C11orf65: variants seen among roughly 807,000 people sequenced by gnomAD.
C11orf65 encodes the protein chromosome 11 open reading frame 65.
A neutral mutation model predicts 35.3 loss-of-function variants in C11orf65; 38 were observed. The ratio of observed to expected loss-of-function variants is 1.08; its 90% CI spans 0.83 to 1.41. The LOEUF is 1.41. Among genes scored for constraint, C11orf65 ranks in the 40% most tolerant of loss-of-function variants. The probability of loss-of-function intolerance (pLI) is 0.00; values close to 1 mark genes in which losing one functional copy is unlikely to be tolerated. For synonymous variants in C11orf65, 105 were observed against 114.4 expected (o/e 0.92, Z 0.53); for missense variants, 370 against 367.1 (o/e 1.01, Z -0.06).
intron 2 of C11orf65, chr11:108,345,649 C>T: frequency 1.9e-6 from 2 of 1,029,334 alleles, no homozygotes; most frequent in South Asian, 1.8e-5. Flanking sequence ...ATCTTTATTG[C>T]CCCTATATCT....
chr11:108,380,999 C>T (rs780608876), downstream of C11orf65, among the ~76,000 whole-genome samples: 1 of 152,176 alleles, frequency 6.6e-6, no homozygotes, highest in African/African-American at 2.4e-5. Context: ...CTAGTCCTAT[C>T]ATATGCCACA....
At chr11:108,407,213 T>C (rs2092558063) in intron 3 of C11orf65, 64 bp from the exon 4 acceptor site, 10 of 1,147,572 alleles carry the variant, frequency 8.7e-6, no homozygotes, top group Non-Finnish European at 1.1e-5. Flanking sequence ...CAATTCACTA[T>C]TTCTCACTCT....
rs2136244744 is a variant in C11orf65 at position 108,321,446 on chromosome 11, T to A, written c.641-12375A>T. The A allele has an allele frequency of 6.2e-7, 1 of 1,613,834 alleles. No homozygotes were observed. Among genetic ancestry groups the A allele is most frequent in the Non-Finnish European group, 8.5e-7 (1 of 1,179,840 alleles). On this transcript the variant is annotated intron_variant, in intron 6 of 6. Coordinates refer to the C11orf65 transcript ENST00000525729. ...GTATGTAATTCGTATGACTTTGTTA[T>A]CCTAAAGTGCAGCTTTTCTGTTACC...
chr11:108,452,085 A>G (rs1459933609), intron 2 of C11orf65, among the ~76,000 whole-genome samples: 1 of 151,880 alleles, frequency 6.6e-6, no homozygotes, highest in Non-Finnish European at 1.5e-5. Context: ...CATTCAGGAC[A>G]TAGGCATGGG....
chr11:108,346,290 C>T (rs1215869277), intron 2 of C11orf65, among the ~76,000 whole-genome samples: 7 of 151,926 alleles, frequency 4.6e-5, no homozygotes, highest in Admixed American at 4.6e-4. Context: ...TTGCATATAA[C>T]CTCTAAATAT....
rs1000032847 is a variant in C11orf65, at chr11:108,316,037, T to C, written c.641-6966A>G. 1.2e-6 allele frequency: 2 copies of C among 1,614,048 alleles called. No homozygotes were observed. Among genetic ancestry groups the C allele is most frequent in the African/African-American group, 2.7e-5 (2 of 74,936 alleles). On this transcript the variant is annotated intron_variant, in intron 6 of 6. Transcript: ENST00000525729. ...CTACGAACATATGAACACGAAGCAA[T>C]GTGGGGCAAAGCCCTAGTAACATAT...
chr11:108,308,817 T>C (rs2083893523), exon 7 of C11orf65: 1 of 549,008 alleles, frequency 1.8e-6, no homozygotes. Flanking sequence ...AGAAGTTTTA[T>C]GCTTTTCAGT....
intron 2 of C11orf65, chr11:108,346,044 T>C: frequency 1.1e-6 from 1 of 917,894 alleles, no homozygotes; most frequent in Admixed American, 2.1e-5. Flanking sequence ...CCAACCCATC[T>C]TCATTATTAA....
chr11:108,311,654 T>TGC (rs1051975135), intron 6 of C11orf65, among the ~76,000 whole-genome samples: 2 of 151,526 alleles, frequency 1.3e-5, no homozygotes, highest in Non-Finnish European at 2.9e-5. Context: ...GCCATGATTG[T>TGC]GCCACTGCAC....
intron 2 of C11orf65, chr11:108,335,358 G>T (rs1396932048): frequency 8.3e-6 from 10 of 1,211,376 alleles, no homozygotes; most frequent in South Asian, 2.8e-5. Context: ...GTACAGACAT[G>T]TACAGTGAGG....
chr11:108,429,713 A>G (rs576221217), intron 3 of C11orf65, among the ~76,000 whole-genome samples: 25 of 152,380 alleles, frequency 1.6e-4, no homozygotes, highest in African/African-American at 5.3e-4. Context: ...AGCATTATTC[A>G]TAATAGCTAA....
At chr11:108,380,303 T>A (rs1417329877), downstream of C11orf65, among the ~76,000 whole-genome samples, 1 of 152,202 alleles carries the variant, frequency 6.6e-6, no homozygotes, top group Non-Finnish European at 1.5e-5. Flanking sequence ...TCACTTCTTA[T>A]TGAGAGAGAA....
chr11:108,349,392 C>T (rs368592120), intron 2 of C11orf65, among the ~76,000 whole-genome samples: 11 of 151,568 alleles, frequency 7.3e-5, no homozygotes, highest in South Asian at 2.1e-4. Context: ...CTGCCAGGCG[C>T]GGTGGATCAC....
intron 2 of C11orf65, chr11:108,346,499 G>GT (rs879675361): frequency 2.0e-3 from 267 of 135,108 alleles, no homozygotes; most frequent in African/African-American, 3.3e-3. Context: ...TCTATTTGTT[G>GT]TTTTTTTTTT....
chr11:108,463,020 G>A (rs2093490844), intron 1 of C11orf65, among the ~76,000 whole-genome samples: 1 of 152,110 alleles, frequency 6.6e-6, no homozygotes, highest in African/African-American at 2.4e-5. Context: ...TAGCTACTTG[G>A]GAGGCTGAAA....
chr11:108,341,389 A>G (rs2087558934), intron 2 of C11orf65, among the ~76,000 whole-genome samples: 2 of 152,040 alleles, frequency 1.3e-5, no homozygotes, highest in South Asian at 2.1e-4. Context: ...TATACTTATT[A>G]TCTAATATTA....
intron 2 of C11orf65, among the ~76,000 whole-genome samples, chr11:108,357,154 TC>T (rs2090064966): frequency 6.6e-6 from 1 of 152,146 alleles, no homozygotes; most frequent in African/African-American, 2.4e-5. Flanking sequence ...GTCAGGGAGT[TC>T]CCTTTCCTAG....
chr11:108,327,601 C>T (rs777878191), downstream of C11orf65: 16 of 1,475,086 alleles, frequency 1.1e-5, no homozygotes, highest in Non-Finnish European at 1.5e-5. Flanking sequence ...TGGGTACAGT[C>T]ATGGTAATGC....
chr11:108,354,680 T>G, intron 2 of C11orf65: 1 of 836,102 alleles, frequency 1.2e-6, no homozygotes, highest in Non-Finnish European at 2.1e-6. Context: ...AGTATTATGC[T>G]ATTTTGAGAT....
Sources: gnomAD v4.1 joint callset for allele counts (sites outside exome capture counted in the v4.1 genomes callset) on GRCh38, gnomAD v4.1.1 for gene constraint, MANE v1.5 for transcripts, NCBI Gene and HGNC (gene_info 2026-07-23, HGNC 2026-07-21) for gene names.